GRID1: variants seen among roughly 807,000 people sequenced by gnomAD.
GRID1 encodes glutamate ionotropic receptor delta type subunit 1, also known as glutamate receptor ionotropic, delta-1.
GRID1 carries 28 observed loss-of-function variants against 98.0 expected under a neutral mutation model. That is an observed-to-expected ratio of 0.29 (90% CI 0.21 to 0.39). The LOEUF (loss-of-function observed/expected upper bound fraction) is 0.39. Ranked by LOEUF, GRID1 falls within the 10% of genes least tolerant of loss-of-function variation. GRID1 has a pLI of 1.00. For missense variants in GRID1, 1,111 were observed against 1,340.5 expected (o/e 0.83, Z 2.67); for synonymous variants, 553 against 538.5 (o/e 1.03, Z -0.37).
At chr10:86,135,739 T>A in intron 4 of GRID1, among the ~76,000 whole-genome samples, 1 of 151,516 alleles carries the variant, frequency 6.6e-6, no homozygotes, top group East Asian at 2.0e-4. Flanking sequence ...GCAGAGCCCC[T>A]CGTGAAGCGG....
At chr10:85,621,537 C>A (rs1842859829) in intron 13 of GRID1, among the ~76,000 whole-genome samples, 1 of 152,176 alleles carries the variant, frequency 6.6e-6, no homozygotes, top group South Asian at 2.1e-4. Flanking sequence ...GATTTGTGGG[C>A]AGAGTGTGAC....
At chr10:86,045,759 T>C (rs1246506026) in intron 4 of GRID1, among the ~76,000 whole-genome samples, 2 of 152,206 alleles carry the variant, frequency 1.3e-5, no homozygotes, top group Non-Finnish European at 2.9e-5. Flanking sequence ...CCAATTGTCA[T>C]AATGACTGGT....
intron 3 of GRID1, among the ~76,000 whole-genome samples, chr10:86,184,367 T>C (rs1845698310): frequency 6.6e-6 from 1 of 152,126 alleles, no homozygotes; most frequent in Non-Finnish European, 1.5e-5. Flanking sequence ...TTTCTCCTAG[T>C]AGTTTTATAT....
intron 4 of GRID1, among the ~76,000 whole-genome samples, chr10:86,062,712 C>G (rs1843666055): frequency 6.6e-6 from 1 of 152,214 alleles, no homozygotes; most frequent in South Asian, 2.1e-4. Flanking sequence ...CAGTCATGTG[C>G]TCTCACCTAC....
intron 5 of GRID1, among the ~76,000 whole-genome samples, chr10:85,870,930 A>G (rs1843272378): frequency 6.6e-6 from 1 of 152,138 alleles, no homozygotes; most frequent in East Asian, 1.9e-4. Context: ...ATAGATTTAC[A>G]TTTTTGAAAA....
At chr10:86,154,068 C>T (rs1217991481) in intron 3 of GRID1, among the ~76,000 whole-genome samples, 1 of 152,146 alleles carries the variant, frequency 6.6e-6, no homozygotes, top group African/African-American at 2.4e-5. Flanking sequence ...TGCTCTTGGG[C>T]TCCGAGGAAG....
chr10:86,180,684 G>C (rs1845643075), intron 3 of GRID1, among the ~76,000 whole-genome samples: 1 of 152,158 alleles, frequency 6.6e-6, no homozygotes, highest in Admixed American at 6.5e-5. Flanking sequence ...CTCCATGTGA[G>C]CTGCAGGCAG....
intron 4 of GRID1, among the ~76,000 whole-genome samples, chr10:86,102,540 G>A (rs899862410): frequency 2.0e-5 from 3 of 152,192 alleles, no homozygotes; most frequent in Non-Finnish European, 4.4e-5. Context: ...GCCCTGCCCG[G>A]CGCTGCCACA....
intron 2 of GRID1, among the ~76,000 whole-genome samples, chr10:86,316,100 G>A (rs933058237): frequency 6.6e-6 from 1 of 152,172 alleles, no homozygotes; most frequent in Non-Finnish European, 1.5e-5. Flanking sequence ...TAGATAGCCA[G>A]GGAACTAGAA....
chr10:85,650,481 C>T lies in GRID1; in HGVS notation c.1998-3084G>A, dbSNP rs114633806. Among the ~76,000 whole-genome samples, 710 of 152,264 alleles carry T rather than the reference C, an allele frequency of 4.7e-3. 9 individuals carry two copies. The highest frequency in any genetic ancestry group is 0.016 in the African/African-American group (679 of 41,538). Reference sequence around the variant, plus strand: ...TGATGTCATTCAACCAGTTATTTCACCAACAGTTCCTGAATGTCTACTAGG... The same window carrying T: ...TGATGTCATTCAACCAGTTATTTCATCAACAGTTCCTGAATGTCTACTAGG... On this transcript the variant is annotated intron_variant, in intron 12 of 15. Transcript: ENST00000327946.
At chr10:85,832,946 C>A (rs193217798) in intron 8 of GRID1, among the ~76,000 whole-genome samples, 6 of 152,234 alleles carry the variant, frequency 3.9e-5, no homozygotes, top group Non-Finnish European at 7.4e-5. Flanking sequence ...CCCTGAACCA[C>A]CATGAGAAAC....
chr10:85,721,699 G>T (rs747033565), intron 12 of GRID1, among the ~76,000 whole-genome samples: 1 of 152,204 alleles, frequency 6.6e-6, no homozygotes, highest in Non-Finnish European at 1.5e-5. Flanking sequence ...AGTGTCAGGG[G>T]AAGAAATGTG....
chr10:85,824,676 T>G (rs1285563866), intron 8 of GRID1, among the ~76,000 whole-genome samples: 1 of 152,172 alleles, frequency 6.6e-6, no homozygotes, highest in Non-Finnish European at 1.5e-5. Context: ...ATATAGTTTT[T>G]TATCCCTCAC....
At chr10:86,225,983 G>A (rs1846336233) in intron 2 of GRID1, among the ~76,000 whole-genome samples, 1 of 152,076 alleles carries the variant, frequency 6.6e-6, no homozygotes, top group African/African-American at 2.4e-5. Context: ...CCACTCATTG[G>A]GGCTTTGGAA....
At chr10:85,908,836 A>C (rs990534475) in intron 5 of GRID1, among the ~76,000 whole-genome samples, 1 of 152,210 alleles carries the variant, frequency 6.6e-6, no homozygotes, top group Non-Finnish European at 1.5e-5. Flanking sequence ...TGGCATAAAG[A>C]CAGAAAAAAA....
At chr10:86,190,073 CGGCCCCA>C (rs1845779476) in intron 3 of GRID1, among the ~76,000 whole-genome samples, 1 of 152,154 alleles carries the variant, frequency 6.6e-6, no homozygotes, top group African/African-American at 2.4e-5. Context: ...TTCCGTGACT[CGGCCCCA>C]GGCTCCTGCC....
intron 2 of GRID1, among the ~76,000 whole-genome samples, chr10:86,352,077 C>A (rs560445699): frequency 6.6e-6 from 1 of 152,156 alleles, no homozygotes. Flanking sequence ...CCGAGGCGAG[C>A]GGATCACAAG....
intron 5 of GRID1, among the ~76,000 whole-genome samples, chr10:85,896,073 T>C (rs1841289407): frequency 6.6e-6 from 1 of 152,176 alleles, no homozygotes; most frequent in Non-Finnish European, 1.5e-5. Flanking sequence ...TTCTTTGCAG[T>C]AAATCATAAA....
intron 4 of GRID1, among the ~76,000 whole-genome samples, chr10:85,941,266 C>T (rs1841994739): frequency 6.6e-6 from 1 of 152,062 alleles, no homozygotes; most frequent in African/African-American, 2.4e-5. Context: ...AGAGCCTGAA[C>T]CTTTTAAAGT....
Sources: allele counts gnomAD v4.1 joint callset (sites outside exome capture counted in the v4.1 genomes callset), GRCh38; gene constraint gnomAD v4.1.1; transcripts MANE v1.5; gene names NCBI Gene and HGNC (gene_info 2026-07-23, HGNC 2026-07-21).